INPPL1: variants seen among roughly 807,000 people sequenced by gnomAD.
The protein encoded by INPPL1 is phosphatidylinositol 3,4,5-trisphosphate 5-phosphatase 2.
In INPPL1, 91 loss-of-function variants were observed where a neutral mutation model predicts 139.3. That is an observed-to-expected ratio of 0.65 (90% CI 0.55 to 0.78). The LOEUF is 0.78. Ranked by LOEUF, INPPL1 falls within the 30% of genes least tolerant of loss-of-function variation. INPPL1 has a pLI of 0.00. For synonymous variants in INPPL1, 719 were observed against 686.6 expected (o/e 1.05, Z -0.74); for missense variants, 1,411 against 1,665.6 (o/e 0.85, Z 2.66).
chr11:72,238,048 T>C lies in INPPL1; in HGVS notation c.3559T>C (p.Cys1187Arg), dbSNP rs773703726. The C allele has an allele frequency of 6.5e-7, 1 of 1,549,856 alleles. No individual in the cohort carries two copies. Among genetic ancestry groups the C allele is most frequent in the Admixed American group, 2.0e-5 (1 of 50,836 alleles). The change falls in exon 27 of 28, where the codon TGC becomes CGC. Residue 1187 changes from cysteine to arginine, a missense_variant. This residue lies in a region of INPPL1 where 438 missense variants were observed against 425.7 expected (regional missense o/e 1.03). Coordinates refer to ENST00000298229, the MANE Select transcript of INPPL1 (RefSeq NM_001567.4). Reference protein sequence around the residue: ...IQEDLAEEAPCLQGGRASGLG... With the variant: ...IQEDLAEEAPRLQGGRASGLG... ...ACATGCCCTGTTTCCTTAGGCTCCG[T>C]GCCTGCAGGGCGGGCGGGCCAGCGG...
In INPPL1 at chr11:72,233,579, T is replaced by C. The variant is rs1276383051; in HGVS notation, c.2122+57T>C. 5 of 1,605,380 alleles carry C rather than the reference T, an allele frequency of 3.1e-6. No individual in the cohort carries two copies. The African/African-American group carries it at 6.7e-5, about 21-fold the overall frequency. On this transcript the variant is annotated intron_variant, in intron 18 of 27. Coordinates refer to ENST00000298229, the MANE Select transcript of INPPL1 (RefSeq NM_001567.4). ...TCTGGGGTGGTCACCATCTGGACTCTGCCCTAACCTTGGGAGGTGGGAGCC... is the reference window on the plus strand; with the variant it reads ...TCTGGGGTGGTCACCATCTGGACTCCGCCCTAACCTTGGGAGGTGGGAGCC...
chr11:72,238,159 G>T lies in INPPL1; in HGVS notation c.3670G>T (p.Asp1224Tyr), dbSNP rs1198710450. ...GGGCCTGGTGCATAATGGCTGGGAC[G>T]ACCTGGAGTTTCTCAGGTGGGGGAG... ...EEGLVHNGWD[D>Y]LEFLSDITEE... The change falls in exon 27 of 28, where the codon GAC (aspartate) becomes TAC (tyrosine). Residue 1224 changes from aspartate to tyrosine, a missense_variant. Around this residue, in one of 5 missense-constraint regions of INPPL1, gnomAD observed 438 missense variants for 425.7 expected, o/e 1.03. Coordinates refer to ENST00000298229, the MANE Select transcript of INPPL1 (RefSeq NM_001567.4). The T allele has an allele frequency of 6.3e-7, 1 of 1,598,162 alleles. No homozygotes were observed. The highest frequency in any genetic ancestry group is 8.5e-7 in the Non-Finnish European group (1 of 1,172,410).
At position 72,233,033 on chromosome 11, in the gene INPPL1, G is replaced by T. The variant is rs374782043; in HGVS notation, c.1952-42G>T. 26 of 1,609,636 alleles carry T rather than the reference G, an allele frequency of 1.6e-5. No homozygotes were observed. The African/African-American group carries it at 2.1e-4, about 13-fold the overall frequency. On this transcript the variant is annotated intron_variant, in intron 16 of 27. Transcript: ENST00000298229. ...GCTAGGAGACTTGCAGTATCCCTGG[G>T]TGTCAGGGCCCTGAACCCCACCTGT...
At chr11:72,233,029 C>G in intron 16 of INPPL1, 46 bp from the exon 17 acceptor site, 1 of 1,609,212 alleles carries the variant, frequency 6.2e-7, no homozygotes, top group Admixed American at 1.7e-5. Flanking sequence ...TGCAGTATCC[C>G]TGGGTGTCAG....
chr11:72,233,770 G>A (rs370132708), intron 19 of INPPL1, 26 bp downstream of exon 19: 4 of 1,600,180 alleles, frequency 2.5e-6, no homozygotes, highest in Non-Finnish European at 3.4e-6. Flanking sequence ...ATGCTTGTGG[G>A]TGTGGCATAA....
rs781442008 is a variant in INPPL1 at position 72,233,533 on chromosome 11, C to T, written c.2122+11C>T. On this transcript the variant is annotated intron_variant, in intron 18 of 27. Coordinates refer to ENST00000298229, the MANE Select transcript of INPPL1 (RefSeq NM_001567.4). ...TCTGCAATTCTTATGGTCAGAGCCTCCCGGACAGAGTGATGGGAGATCTGG... is the reference window on the plus strand; with the variant it reads ...TCTGCAATTCTTATGGTCAGAGCCTTCCGGACAGAGTGATGGGAGATCTGG... 1 of 1,613,574 alleles carries T rather than the reference C, an allele frequency of 6.2e-7. No individual in the cohort carries two copies. Among genetic ancestry groups the T allele is most frequent in the Admixed American group, 1.7e-5 (1 of 60,020 alleles).
At chr11:72,226,262 C>T (rs183504616) in intron 1 of INPPL1, among the ~76,000 whole-genome samples, 53 of 150,716 alleles carry the variant, frequency 3.5e-4, no homozygotes, top group Non-Finnish European at 6.8e-4. Flanking sequence ...CTCACTGCAA[C>T]CTCCGCCTCC....
chr11:72,224,890 C>G lies in INPPL1; in HGVS notation c.-95C>G. ...TGTCCGGCCCACGGATCCTCAAGCC[C>G]GGGCCCCGGGCCCGGCCCCAGCCTC... is the stretch of plus-strand genomic sequence containing the variant. On this transcript the variant is annotated 5_prime_UTR_variant, in exon 1 of 28. Coordinates refer to ENST00000298229, the MANE Select transcript of INPPL1 (RefSeq NM_001567.4). 1 of 893,442 alleles carries G rather than the reference C, an allele frequency of 1.1e-6. No individual in the cohort carries two copies. 55.3% of individuals were successfully genotyped at this position (893,442 alleles called of 1,614,324 possible).
chr11:72,227,986 C>T (rs1204461135), intron 1 of INPPL1: 1 of 458,268 alleles, frequency 2.2e-6, no homozygotes, highest in African/African-American at 2.2e-5. Flanking sequence ...CGGGGGTGTT[C>T]TGGTCATTCC....
Position 72,224,904 on chromosome 11 carries a change from G to T in INPPL1, c.-81G>T. 2.1e-6 allele frequency: 2 copies of T among 969,010 alleles called. No homozygotes were observed. Among genetic ancestry groups the T allele is most frequent in the Non-Finnish European group, 1.2e-6 (1 of 804,542 alleles). The allele number at this position is 969,010 out of a possible 1,614,324, so 60.0% of individuals were successfully genotyped here. ...ATCCTCAAGCCCGGGCCCCGGGCCC[G>T]GCCCCAGCCTCAGCCCTGAGCGTCT... On this transcript the variant is annotated 5_prime_UTR_variant, in exon 1 of 28. Transcript: ENST00000298229.
intron 13 of INPPL1, 66 bp downstream of exon 13, chr11:72,231,681 C>A: frequency 1.7e-6 from 2 of 1,180,944 alleles, no homozygotes; most frequent in Non-Finnish European, 2.5e-6. Context: ...TGCTTCCTCT[C>A]AAGCCTAGGA....
rs779852630 is a variant in INPPL1 at position 72,230,121 on chromosome 11, G to A, written c.940G>A (p.Val314Met). The change falls in exon 9 of 28, where the codon GTG (valine) becomes ATG (methionine). Residue 314 changes from valine (V) to methionine (M), a missense_variant and splice_region_variant. Val to Met is a conservative substitution (Grantham distance 21, BLOSUM62 1). This residue lies in a region of INPPL1 where 504 missense variants were observed against 595.6 expected (regional missense o/e 0.85). Transcript: ENST00000298229. ...AGCAGCCTCCCCACCTGGCCTACAG[G>A]TGAAGCTAGATGTGACCCTGGGTGA... ...AKTIPVQAFE[V>M]KLDVTLGDLT... 1.9e-6 allele frequency: 3 copies of A among 1,610,818 alleles called. No homozygotes were observed. The highest frequency in any genetic ancestry group is 3.3e-5 in the Admixed American group (2 of 59,914).
rs755831962 is a variant in INPPL1 at position 72,235,083 on chromosome 11, C to T, written c.2416-33C>T. ...GGAGGGGCAGGAGGAAGTGGCGGGG[C>T]TTTGTTCCTCACTGGGCCTCCCTGC... is the stretch of plus-strand genomic sequence containing the variant. On this transcript the variant is annotated intron_variant, in intron 21 of 27. Transcript: ENST00000298229. This position sits in a 1 kb window ranked among gnomAD's most constrained non-coding sequence, Gnocchi z 4.9. 1.3e-6 allele frequency: 2 copies of T among 1,553,456 alleles called. No individual in the cohort carries two copies. Among genetic ancestry groups the T allele is most frequent in the East Asian group, 4.6e-5 (2 of 43,090 alleles).
intron 1 of INPPL1, 73 bp downstream of exon 1, chr11:72,225,239 C>T (rs1948636646): frequency 2.4e-6 from 3 of 1,224,858 alleles, no homozygotes; most frequent in East Asian, 6.4e-5. Flanking sequence ...TGGAAAGGGC[C>T]CGGGTGAGGG....
At position 72,231,188 on chromosome 11, in the gene INPPL1, C is replaced by T. The variant is rs775939148; in HGVS notation, c.1496C>T (p.Pro499Leu). The change falls in exon 12 of 28, where the codon CCG (proline) becomes CTG (leucine). Residue 499 changes from proline to leucine, a missense_variant and splice_region_variant. Physicochemically the swap from Pro to Leu is moderately conservative, Grantham distance 98. Coordinates refer to ENST00000298229, the MANE Select transcript of INPPL1 (RefSeq NM_001567.4). ...LKELTDLDYR[P>L]IAMQSLWNIK... ...GAGCTTACGGATCTGGATTACCGCC[C>T]GGTGAGGGGGGGTCATCTTGTCCAG... The T allele has an allele frequency of 1.7e-5, 27 of 1,609,450 alleles. No homozygotes were observed. The highest frequency in any genetic ancestry group is 7.7e-5 in the South Asian group (7 of 90,834).
At position 72,230,118 on chromosome 11, in the gene INPPL1, C is replaced by T. The variant is rs1591274905; in HGVS notation, c.940-3C>T. ...GTCAGCAGCCTCCCCACCTGGCCTA[C>T]AGGTGAAGCTAGATGTGACCCTGGG... On this transcript the variant is annotated splice_polypyrimidine_tract_variant and splice_region_variant and intron_variant, in intron 8 of 27. Transcript: ENST00000298229. The T allele has an allele frequency of 6.2e-7, 1 of 1,610,566 alleles. No homozygotes were observed. Among genetic ancestry groups the T allele is most frequent in the Non-Finnish European group, 8.5e-7 (1 of 1,177,380 alleles).
In INPPL1 at chr11:72,233,736, C is replaced by A; in HGVS notation, c.2204C>A (p.Ser735Tyr). Residue 735 changes from serine (S) to tyrosine (Y), a missense_variant, in exon 19 of 28, where the codon TCC becomes TAC. By Grantham distance (144) the Ser-to-Tyr change is moderately radical (BLOSUM62 -2). This residue lies in a region of INPPL1 where 363 missense variants were observed against 446.2 expected (regional missense o/e 0.81). Coordinates refer to ENST00000298229, the MANE Select transcript of INPPL1 (RefSeq NM_001567.4). ...FEVGVTSQFI[S>Y]KKGLSKTSDQ... ...GTTGGAGTTACCTCCCAGTTCATCTCCAAGAAAGGTGACTGTTCCAGATAT... is the reference window on the plus strand; with the variant it reads ...GTTGGAGTTACCTCCCAGTTCATCTACAAGAAAGGTGACTGTTCCAGATAT... 6.2e-6 allele frequency: 10 copies of A among 1,613,818 alleles called. No individual in the cohort carries two copies. Among genetic ancestry groups the A allele is most frequent in the Non-Finnish European group, 8.5e-6 (10 of 1,179,710 alleles).
In INPPL1 at chr11:72,231,087, C is replaced by T. The variant is rs2135429317; in HGVS notation, c.1395C>T (p.Asp465=). The T allele has an allele frequency of 3.7e-6, 6 of 1,614,082 alleles. No individual in the cohort carries two copies. The East Asian group carries it at 1.3e-4, about 36-fold the overall frequency. Residue 465 remains aspartate, a synonymous_variant, in exon 12 of 28, where the codon GAC becomes GAT. Transcript: ENST00000298229. ...AGGTCACAGTGACCATACCCCATGA[C>T]ATCTATGTCTTTGGGACCCAGGAGA... ...LDEVTVTIPH[D]IYVFGTQENS...
chr11:72,232,336 G>A lies in INPPL1; in HGVS notation c.1712G>A (p.Arg571Gln), dbSNP rs1394942069. 10 of 1,551,200 alleles carry A rather than the reference G, an allele frequency of 6.4e-6. No individual in the cohort carries two copies. Among genetic ancestry groups the A allele is most frequent in the Admixed American group, 2.0e-5 (1 of 50,974 alleles). The change falls in exon 14 of 28, where the codon CGG (arginine) becomes CAG (glutamine). Residue 571 changes from arginine to glutamine, a missense_variant and splice_region_variant. By Grantham distance (43) the Arg-to-Gln change is conservative. Around this residue, in one of 5 missense-constraint regions of INPPL1, gnomAD observed 363 missense variants for 446.2 expected, o/e 0.81. Transcript: ENST00000298229. The part of the protein sequence containing the change: ...HLTSGNEKTA[R>Q]RNQNYLDILR... ...ACCTCGGGAAATGAGAAGACGGCTCGGTGAGGGGGCGCCTTTCCCATGGTC... is the reference window on the plus strand; with the variant it reads ...ACCTCGGGAAATGAGAAGACGGCTCAGTGAGGGGGCGCCTTTCCCATGGTC...
Sources: allele counts gnomAD v4.1 joint callset (sites outside exome capture counted in the v4.1 genomes callset), GRCh38; gene constraint gnomAD v4.1.1; regional missense constraint gnomAD v4.1.1; non-coding constraint Gnocchi (gnomAD v3.1); transcripts MANE v1.5; gene names NCBI Gene and HGNC (gene_info 2026-07-23, HGNC 2026-07-21).